BFSP2: variants seen among roughly 807,000 people sequenced by gnomAD.
BFSP2 encodes phakinin.
A neutral mutation model predicts 44.9 loss-of-function variants in BFSP2; 38 were observed. The observed-to-expected ratio is 0.85, with a 90% confidence interval of 0.65 to 1.11. The LOEUF (loss-of-function observed/expected upper bound fraction) is 1.11. Among genes scored for constraint, BFSP2 ranks in the 50% least tolerant of loss-of-function variants. The probability of loss-of-function intolerance (pLI) is 0.00; values close to 1 mark genes in which losing one functional copy is unlikely to be tolerated. For missense variants in BFSP2, 525 were observed against 533.0 expected, an observed-to-expected ratio of 0.99 and a Z score of 0.15; for synonymous variants, 197 against 209.9, an observed-to-expected ratio of 0.94 and a Z score of 0.53.
intron 5 of BFSP2, among the ~76,000 whole-genome samples, chr3:133,469,490 C>T (rs1468760888): frequency 2.6e-5 from 4 of 152,206 alleles, no homozygotes; most frequent in Non-Finnish European, 4.4e-5. Flanking sequence ...GTCCAGTCAA[C>T]TCAAATCAGG....
chr3:133,452,025 G>C (rs2073970322), intron 4 of BFSP2, among the ~76,000 whole-genome samples: 1 of 152,154 alleles, frequency 6.6e-6, no homozygotes, highest in Non-Finnish European at 1.5e-5. Context: ...TCTTGATCCT[G>C]GCTACGCAGC....
intron 4 of BFSP2, among the ~76,000 whole-genome samples, chr3:133,464,896 A>G (rs964641045): frequency 3.9e-5 from 6 of 152,188 alleles, no homozygotes; most frequent in African/African-American, 1.4e-4. Flanking sequence ...GTTCTCCTTC[A>G]GCGACTCCAA....
At chr3:133,433,393 G>A (rs1418064121) in intron 1 of BFSP2, among the ~76,000 whole-genome samples, 1 of 152,090 alleles carries the variant, frequency 6.6e-6, no homozygotes, top group African/African-American at 2.4e-5. Flanking sequence ...TATCCTCAAG[G>A]AAATAACTTC....
chr3:133,449,666 C>T (rs1173780768), intron 3 of BFSP2, among the ~76,000 whole-genome samples: 1 of 151,798 alleles, frequency 6.6e-6, no homozygotes, highest in Non-Finnish European at 1.5e-5. Flanking sequence ...TCACTTGAGC[C>T]CAGGAGTTCA....
At chr3:133,412,664 A>G (rs1419493263) in intron 1 of BFSP2, 1 of 152,376 alleles carries the variant, frequency 6.6e-6, no homozygotes, top group Non-Finnish European at 1.5e-5. Context: ...ACCAAGCGCC[A>G]GCTCTGCCGG....
chr3:133,402,156 A>G (rs1390655144), intron 1 of BFSP2, among the ~76,000 whole-genome samples: 1 of 152,204 alleles, frequency 6.6e-6, no homozygotes, highest in East Asian at 1.9e-4. Flanking sequence ...CATCTGCTGG[A>G]CAATCGCTTG....
At chr3:133,450,012 A>G (rs985756512) in intron 3 of BFSP2, among the ~76,000 whole-genome samples, 2 of 107,730 alleles carry the variant, frequency 1.9e-5, no homozygotes, top group South Asian at 3.5e-4. Flanking sequence ...GAAGGAAGGA[A>G]GGAAGGAGGG....
intron 1 of BFSP2, among the ~76,000 whole-genome samples, chr3:133,403,825 C>G (rs1374961598): frequency 1.3e-5 from 2 of 152,088 alleles, no homozygotes; most frequent in Non-Finnish European, 2.9e-5. Flanking sequence ...TGTCTCACCC[C>G]CACCCAGAGG....
chr3:133,472,201 CA>C, intron 5 of BFSP2, 143 bp from the exon 6 acceptor site: 1 of 862,124 alleles, frequency 1.2e-6, no homozygotes, highest in Non-Finnish European at 1.9e-6. Flanking sequence ...GAATAACCCC[CA>C]TCAGTCTCCA....
At chr3:133,425,516 A>C (rs2073635749) in intron 1 of BFSP2, among the ~76,000 whole-genome samples, 1 of 152,200 alleles carries the variant, frequency 6.6e-6, no homozygotes, top group Admixed American at 6.5e-5. Flanking sequence ...GATTTTTCTG[A>C]TCACTTGCAG....
chr3:133,432,702 G>A (rs548285137), intron 1 of BFSP2, among the ~76,000 whole-genome samples: 71 of 152,042 alleles, frequency 4.7e-4, no homozygotes, highest in Non-Finnish European at 7.9e-4. Context: ...CTTCTCCATC[G>A]GTTACCTACC....
intron 1 of BFSP2, among the ~76,000 whole-genome samples, chr3:133,438,306 C>T (rs763862174): frequency 9.8e-5 from 15 of 152,342 alleles, no homozygotes; most frequent in Non-Finnish European, 2.1e-4. Context: ...GCAGGCGGAT[C>T]ACCTGAGGTT....
intron 1 of BFSP2, among the ~76,000 whole-genome samples, chr3:133,406,096 G>A (rs897195068): frequency 4.6e-5 from 7 of 150,796 alleles, no homozygotes; most frequent in African/African-American, 7.3e-5. Context: ...GATTACAGGT[G>A]CCCACCACCA....
intron 4 of BFSP2, among the ~76,000 whole-genome samples, chr3:133,464,318 G>C (rs1293168205): frequency 6.6e-6 from 1 of 152,160 alleles, no homozygotes; most frequent in East Asian, 1.9e-4. Flanking sequence ...TCTGCTGCTG[G>C]GCTGGAATCC....
chr3:133,464,311 G>T (rs2074089930), intron 4 of BFSP2, among the ~76,000 whole-genome samples: 1 of 152,190 alleles, frequency 6.6e-6, no homozygotes, highest in Admixed American at 6.5e-5. Context: ...CTCTGGGTCT[G>T]CTGCTGGGCT....
intron 4 of BFSP2, among the ~76,000 whole-genome samples, chr3:133,461,024 A>G (rs1384525096): frequency 6.6e-6 from 1 of 152,208 alleles, no homozygotes; most frequent in Non-Finnish European, 1.5e-5. Context: ...GGAAGTATCA[A>G]CATTCTCTCT....
chr3:133,472,872 G>C (rs2074178929), intron 6 of BFSP2, among the ~76,000 whole-genome samples: 1 of 151,870 alleles, frequency 6.6e-6, no homozygotes, highest in South Asian at 2.1e-4. Context: ...GAATGTTTCA[G>C]TTGCTTGTAA....
intron 1 of BFSP2, among the ~76,000 whole-genome samples, chr3:133,426,990 C>T (rs777993891): frequency 3.7e-4 from 56 of 152,204 alleles, no homozygotes; most frequent in Admixed American, 2.6e-4. Flanking sequence ...TCCCCTGTGC[C>T]TCTCATGATG....
intron 1 of BFSP2, among the ~76,000 whole-genome samples, chr3:133,439,926 GAC>G (rs374645737): frequency 5.4e-5 from 8 of 148,336 alleles, no homozygotes; most frequent in African/African-American, 1.1e-4. Flanking sequence ...AGCAGAGACA[GAC>G]AGAGAGAGAG....
Sources: gnomAD v4.1 joint callset for allele counts (sites outside exome capture counted in the v4.1 genomes callset) on GRCh38, gnomAD v4.1.1 for gene constraint, MANE v1.5 for transcripts, NCBI Gene and HGNC (gene_info 2026-07-23, HGNC 2026-07-21) for gene names.